The following CYB5R4 variants were observed in gnomAD, a reference collection of about 807,000 sequenced individuals.
CYB5R4 encodes N-terminal cytochrome b5 and cytochrome b5 oxidoreductase domain-containing protein.
In CYB5R4, 55 loss-of-function variants were observed where a neutral mutation model predicts 70.2. That is an observed-to-expected ratio of 0.78 (90% confidence interval 0.63 to 0.98). The LOEUF (loss-of-function observed/expected upper bound fraction) is 0.98. Among genes scored for constraint, CYB5R4 ranks in the 50% least tolerant of loss-of-function variants. The pLI, the probability that CYB5R4 is intolerant of heterozygous loss-of-function variation, is 0.00. For missense variants in CYB5R4, 562 were observed against 612.6 expected, an observed-to-expected ratio of 0.92 and a Z score of 0.87; for synonymous variants, 197 against 199.5, an observed-to-expected ratio of 0.99 and a Z score of 0.11.
intron 2 of CYB5R4, among the ~76,000 whole-genome samples, chr6:83,892,374 G>T (rs1210800170): frequency 1.3e-5 from 2 of 151,996 alleles, no homozygotes; most frequent in Admixed American, 6.6e-5. Context: ...GTTATCTGAG[G>T]TTATTTAAAT....
chr6:83,943,372 C>T (rs2099470063), intron 14 of CYB5R4, among the ~76,000 whole-genome samples: 1 of 151,984 alleles, frequency 6.6e-6, no homozygotes, highest in African/African-American at 2.4e-5. Context: ...GCAGAGGGGC[C>T]TGACTGTTAT....
intron 2 of CYB5R4, among the ~76,000 whole-genome samples, chr6:83,872,081 G>A (rs2099457731): frequency 6.6e-6 from 1 of 152,026 alleles, no homozygotes; most frequent in East Asian, 1.9e-4. Context: ...TATATTTCTA[G>A]AGATAGTCTG....
At chr6:83,954,852 A>G (rs973184746) in intron 14 of CYB5R4, among the ~76,000 whole-genome samples, 6 of 151,814 alleles carry the variant, frequency 4.0e-5, no homozygotes, top group Non-Finnish European at 8.8e-5. Context: ...AGCTAGGACC[A>G]CAGGCACATG....
chr6:83,870,748 A>G (rs1187450705), intron 2 of CYB5R4, among the ~76,000 whole-genome samples: 2 of 151,950 alleles, frequency 1.3e-5, no homozygotes, highest in African/African-American at 4.8e-5. Context: ...TTTAGGTTAG[A>G]TTAAAACCCA....
chr6:83,907,416 G>A (rs1257719127), intron 3 of CYB5R4, among the ~76,000 whole-genome samples: 1 of 151,854 alleles, frequency 6.6e-6, no homozygotes, highest in East Asian at 1.9e-4. Flanking sequence ...AAATATCTGA[G>A]TCTGAATAAT....
chr6:83,866,714 C>G (rs1463713594), intron 2 of CYB5R4, among the ~76,000 whole-genome samples: 1 of 151,980 alleles, frequency 6.6e-6, no homozygotes, highest in African/African-American at 2.4e-5. Context: ...CTCCTGAGCT[C>G]AAGTAATCCT....
chr6:83,928,816 C>T (rs1408750005), intron 10 of CYB5R4, among the ~76,000 whole-genome samples: 1 of 152,046 alleles, frequency 6.6e-6, no homozygotes, highest in Non-Finnish European at 1.5e-5. Flanking sequence ...TCATAGCAAA[C>T]TAGGTAAAAG....
chr6:83,922,418 A>C lies in CYB5R4; in HGVS notation c.659-20A>C. The C allele has an allele frequency of 6.2e-7, 1 of 1,604,836 alleles. No homozygotes were observed. The highest frequency in any genetic ancestry group is 8.5e-7 in the Non-Finnish European group (1 of 1,176,582). On this transcript the variant is annotated intron_variant, in intron 8 of 15. Coordinates refer to ENST00000369681, the MANE Select transcript of CYB5R4 (RefSeq NM_016230.4). ...ATGAATTGAAGTTCTATTTTAACTA[A>C]ATAAATTTGTCTGTCCTAGGGCTAA...
chr6:83,911,929 T>G (rs148230750), intron 4 of CYB5R4, among the ~76,000 whole-genome samples: 86 of 151,980 alleles, frequency 5.7e-4, no homozygotes, highest in African/African-American at 1.8e-3. Context: ...TAGTGGTGCA[T>G]GCCTGTGGTC....
At chr6:83,906,556 G>A (rs1257002977) in intron 3 of CYB5R4, among the ~76,000 whole-genome samples, 1 of 152,184 alleles carries the variant, frequency 6.6e-6, no homozygotes, top group Non-Finnish European at 1.5e-5. Context: ...AATGTAGACT[G>A]CTAAAGTTCT....
At chr6:83,861,004 T>A (rs2099455842) in intron 1 of CYB5R4, among the ~76,000 whole-genome samples, 1 of 152,266 alleles carries the variant, frequency 6.6e-6, no homozygotes, top group Non-Finnish European at 1.5e-5. Flanking sequence ...TACTGATTCA[T>A]ATATCAATCA....
chr6:83,882,688 A>G (rs1045548208), intron 2 of CYB5R4, among the ~76,000 whole-genome samples: 21 of 152,200 alleles, frequency 1.4e-4, no homozygotes, highest in Admixed American at 2.0e-4. Flanking sequence ...GTAAGTAAGT[A>G]AAAGAATATA....
rs778578242 is a variant in CYB5R4, at chr6:83,956,795, T to C, written c.1511+1333T>C. Among the ~76,000 whole-genome samples the C allele has an allele frequency of 7.9e-5, 12 of 152,144 alleles. No homozygotes were observed. In the South Asian group the frequency reaches 2.3e-3, roughly 29 times the overall value. ...CTCGTAATGTTATGCCAGAGTCAGG[T>C]TGGAAAGTAAGTCACGATATATGGG... On this transcript the variant is annotated intron_variant, in intron 15 of 15. Coordinates refer to ENST00000369681, the MANE Select transcript of CYB5R4 (RefSeq NM_016230.4).
intron 3 of CYB5R4, among the ~76,000 whole-genome samples, chr6:83,905,785 G>A (rs6940766): frequency 0.29 from 43,361 of 151,928 alleles, 12,178 homozygotes; most frequent in African/African-American, 0.73. Context: ...GGGTGGTGAC[G>A]GTGGCAGTCG....
At chr6:83,888,613 T>G (rs2099460619) in intron 2 of CYB5R4, among the ~76,000 whole-genome samples, 1 of 152,136 alleles carries the variant, frequency 6.6e-6, no homozygotes, top group South Asian at 2.1e-4. Context: ...GACTGACAAT[T>G]CCTGTCTCAC....
chr6:83,898,583 T>A (rs1407768262), intron 3 of CYB5R4, among the ~76,000 whole-genome samples: 1 of 152,244 alleles, frequency 6.6e-6, no homozygotes, highest in Non-Finnish European at 1.5e-5. Flanking sequence ...ATATTGATTC[T>A]TCCTACCCAC....
chr6:83,951,617 TC>T (rs1438697060), intron 14 of CYB5R4, among the ~76,000 whole-genome samples: 3 of 152,146 alleles, frequency 2.0e-5, no homozygotes, highest in Non-Finnish European at 4.4e-5. Context: ...CATGAACTCA[TC>T]CTTTTTTATG....
At chr6:83,917,948 A>C (rs774237554) in intron 5 of CYB5R4, 57 bp from the exon 6 acceptor site, 2 of 1,378,336 alleles carry the variant, frequency 1.5e-6, no homozygotes, top group Non-Finnish European at 1.0e-6. Flanking sequence ...GTTAACTTAA[A>C]AGACAAAAAG....
intron 2 of CYB5R4, among the ~76,000 whole-genome samples, chr6:83,868,238 G>C (rs1459169626): frequency 6.6e-6 from 1 of 151,776 alleles, no homozygotes; most frequent in Non-Finnish European, 1.5e-5. Context: ...TTTTAGATTA[G>C]GTCTGAATTC....
Sources: allele counts gnomAD v4.1 joint callset (sites outside exome capture counted in the v4.1 genomes callset), GRCh38; gene constraint gnomAD v4.1.1; transcripts MANE v1.5; gene names NCBI Gene and HGNC (gene_info 2026-07-23, HGNC 2026-07-21).